MTUS2: variants seen among roughly 807,000 people sequenced by gnomAD.
MTUS2 encodes microtubule associated scaffold protein 2, also known as microtubule-associated tumor suppressor candidate 2.
MTUS2 carries 40 observed loss-of-function variants against 114.1 expected under a neutral mutation model. The observed-to-expected ratio is 0.35, with a 90% CI of 0.27 to 0.46. The LOEUF (loss-of-function observed/expected upper bound fraction) is 0.46. MTUS2 is among the 20% of genes least tolerant of loss of function. The pLI is 1.00. For missense variants in MTUS2, 1,679 were observed against 1,705.4 expected (o/e 0.98, Z 0.27); for synonymous variants, 688 against 672.0 (o/e 1.02, Z -0.37).
chr13:29,424,557 A>G (rs535995521), intron 8 of MTUS2, among the ~76,000 whole-genome samples: 16 of 152,334 alleles, frequency 1.1e-4, no homozygotes, highest in African/African-American at 2.6e-4. Flanking sequence ...AGATGAGGCT[A>G]TCACATCCTG....
chr13:29,369,646 A>G (rs2138291160), intron 8 of MTUS2, among the ~76,000 whole-genome samples: 1 of 152,366 alleles, frequency 6.6e-6, no homozygotes, highest in East Asian at 1.9e-4. Context: ...CCTAACAGTA[A>G]AAGTGTATAC....
chr13:29,335,187 C>G (rs1900990513), intron 7 of MTUS2, among the ~76,000 whole-genome samples: 1 of 152,142 alleles, frequency 6.6e-6, no homozygotes, highest in African/African-American at 2.4e-5. Flanking sequence ...GAATGCGTCC[C>G]TAAGGAGAGA....
chr13:29,251,520 G>A (rs143821057), intron 5 of MTUS2, among the ~76,000 whole-genome samples: 276 of 152,096 alleles, frequency 1.8e-3, no homozygotes, highest in African/African-American at 6.4e-3. Flanking sequence ...CATCTACCTC[G>A]ACGTTCTCAT....
intron 2 of MTUS2, among the ~76,000 whole-genome samples, chr13:28,952,571 G>T (rs1345420184): frequency 6.6e-6 from 1 of 151,830 alleles, no homozygotes; most frequent in African/African-American, 2.4e-5. Context: ...CATCATGCTT[G>T]GTAACCCACG....
At position 29,358,007 on chromosome 13, in the gene MTUS2, GT is replaced by G. The variant is rs1460395367; in HGVS notation, c.2906-1251del. 3.3e-5 allele frequency among the ~76,000 whole-genome samples: 5 copies of G among 152,224 alleles called. No homozygotes were observed. In the East Asian group the frequency reaches 9.7e-4, roughly 29 times the overall value. ...TGAAGGGGCTACCATTTTCTGGTTT[GT>G]TTTATATGTTGCTCCCTGGTATCTC... On this transcript the variant is annotated intron_variant, in intron 7 of 15. Coordinates refer to ENST00000612955, the MANE Select transcript of MTUS2 (RefSeq NM_001033602.4).
chr13:28,846,035 A>G (rs1015586808), intron 2 of MTUS2, among the ~76,000 whole-genome samples: 2 of 124,756 alleles, frequency 1.6e-5, no homozygotes, highest in South Asian at 2.4e-4. Flanking sequence ...ACATATATGC[A>G]GTCTTTTTCT....
intron 15 of MTUS2, 122 bp from the exon 16 acceptor site, chr13:29,502,871 C>T (rs1882996866): frequency 2.1e-6 from 2 of 945,088 alleles, no homozygotes; most frequent in East Asian, 5.2e-5. Flanking sequence ...ACTGGGTCAC[C>T]CTGGTCCCTG....
intron 2 of MTUS2, among the ~76,000 whole-genome samples, chr13:28,899,490 A>G (rs942630579): frequency 6.6e-6 from 1 of 152,154 alleles, no homozygotes; most frequent in Non-Finnish European, 1.5e-5. Flanking sequence ...GCTCATTGCA[A>G]GCTCCGCCTC....
chr13:29,238,391 A>G (rs189720827), intron 5 of MTUS2, among the ~76,000 whole-genome samples: 40 of 152,350 alleles, frequency 2.6e-4, no homozygotes, highest in African/African-American at 9.6e-4. Context: ...GCTGAGGAGC[A>G]AGGAAGCCAG....
intron 8 of MTUS2, among the ~76,000 whole-genome samples, chr13:29,431,785 G>A (rs148984130): frequency 6.6e-6 from 1 of 152,268 alleles, no homozygotes; most frequent in African/African-American, 2.4e-5. Flanking sequence ...GGTGCATAGG[G>A]AGTGTGGGGA....
intron 5 of MTUS2, among the ~76,000 whole-genome samples, chr13:29,225,540 T>G (rs1896074634): frequency 6.6e-6 from 1 of 152,154 alleles, no homozygotes; most frequent in Non-Finnish European, 1.5e-5. Flanking sequence ...GCTGAAAGAT[T>G]AATTTAAGAA....
chr13:29,081,117 A>G (rs944520218), intron 4 of MTUS2, among the ~76,000 whole-genome samples: 19 of 152,190 alleles, frequency 1.2e-4, no homozygotes, highest in Non-Finnish European at 4.4e-5. Flanking sequence ...TTGAGAGAGC[A>G]CTGAAAGGAG....
chr13:29,281,154 C>T (rs1898248813), intron 5 of MTUS2, among the ~76,000 whole-genome samples: 1 of 152,162 alleles, frequency 6.6e-6, no homozygotes, highest in Non-Finnish European at 1.5e-5. Flanking sequence ...CTCTCGTCCC[C>T]ATGCTCTCTA....
intron 4 of MTUS2, among the ~76,000 whole-genome samples, chr13:29,075,255 A>C (rs1383842598): frequency 1.3e-5 from 2 of 151,536 alleles, no homozygotes; most frequent in East Asian, 1.9e-4. Context: ...GGAGGCACAC[A>C]GGGTTCACTA....
intron 5 of MTUS2, among the ~76,000 whole-genome samples, chr13:29,126,686 C>T (rs747750952): frequency 1.4e-4 from 22 of 151,798 alleles, no homozygotes; most frequent in Non-Finnish European, 3.1e-4. Flanking sequence ...TTATGTGTGG[C>T]CCAAGACAAT....
intron 5 of MTUS2, among the ~76,000 whole-genome samples, chr13:29,177,709 C>T (rs867252228): frequency 2.0e-5 from 3 of 152,188 alleles, no homozygotes; most frequent in Non-Finnish European, 4.4e-5. Flanking sequence ...TTAAAACACT[C>T]AGCCATGACC....
intron 2 of MTUS2, among the ~76,000 whole-genome samples, chr13:28,937,331 A>G (rs1227492369): frequency 6.6e-6 from 1 of 151,178 alleles, no homozygotes; most frequent in African/African-American, 2.4e-5. Context: ...CACACTGTAA[A>G]ATGGACCAAT....
chr13:29,332,720 C>T (rs1415449933), intron 7 of MTUS2, among the ~76,000 whole-genome samples: 17 of 150,646 alleles, frequency 1.1e-4, no homozygotes, highest in East Asian at 3.9e-4. Flanking sequence ...CTGCAAGCTC[C>T]ACCTCCTGGG....
chr13:29,061,929 T>C (rs1483829361), intron 4 of MTUS2, among the ~76,000 whole-genome samples: 1 of 152,206 alleles, frequency 6.6e-6, no homozygotes, highest in African/African-American at 2.4e-5. Flanking sequence ...AACTTTTGTG[T>C]TTATACTTTT....
Sources: allele counts gnomAD v4.1 joint callset (sites outside exome capture counted in the v4.1 genomes callset), GRCh38; gene constraint gnomAD v4.1.1; transcripts MANE v1.5; gene names NCBI Gene and HGNC (gene_info 2026-07-23, HGNC 2026-07-21).